Variants in ROCK2 observed in about 807,000 individuals in gnomAD.
ROCK2 encodes rho-associated protein kinase 2.
In ROCK2, 61 loss-of-function variants were observed where a neutral mutation model predicts 195.1. That is an observed-to-expected ratio of 0.31 (90% confidence interval 0.25 to 0.39). ROCK2 has a LOEUF of 0.39. Among genes scored for constraint, ROCK2 ranks in the 10% least tolerant of loss-of-function variants. The probability of loss-of-function intolerance (pLI) is 1.00; values close to 1 mark genes in which losing one functional copy is unlikely to be tolerated. For synonymous variants in ROCK2, 504 were observed against 545.5 expected (o/e 0.92, Z 1.06); for missense variants, 1,109 against 1,637.4 (o/e 0.68, Z 5.57).
At position 11,207,709 on chromosome 2, in the gene ROCK2, T is replaced by C; in HGVS notation, c.2549+17A>G. 1 of 1,582,068 alleles carries C rather than the reference T, an allele frequency of 6.3e-7. No individual in the cohort carries two copies. Among genetic ancestry groups the C allele is most frequent in the Non-Finnish European group, 8.6e-7 (1 of 1,159,478 alleles). On this transcript the variant is annotated intron_variant, in intron 20 of 32. Transcript: ENST00000315872. ...GGATAATTATGCATATTAAAACATC[T>C]CAATCAATTAACTTACTTTCGAAGT...
At position 11,197,014 on chromosome 2, in the gene ROCK2, TAAATA is replaced by T. The variant is rs1434051161; in HGVS notation, c.3448+161_3448+165del. ...TGAAAAACTTTGTAAAAAAAATCAA[TAAATA>T]AAATAAGTTTGAAATGTTACTTGAA... On this transcript the variant is annotated intron_variant, in intron 27 of 32. Transcript: ENST00000315872. The surrounding 1 kb of genome is among the most constrained non-coding windows in gnomAD (Gnocchi z 4.9). Among the ~76,000 whole-genome samples, 2 of 152,206 alleles carry T rather than the reference TAAATA, an allele frequency of 1.3e-5. No homozygotes were observed. The highest frequency in any genetic ancestry group is 2.9e-5 in the Non-Finnish European group (2 of 68,016).
At chr2:11,287,632 A>C in intron 2 of ROCK2, 23 bp downstream of exon 2, 1 of 723,906 alleles carries the variant, frequency 1.4e-6, no homozygotes, top group Non-Finnish European at 2.1e-6. Flanking sequence ...ATAAGATCAA[A>C]TATGAAGTTT....
intron 3 of ROCK2, among the ~76,000 whole-genome samples, chr2:11,273,027 T>C (rs575706543): frequency 2.5e-5 from 3 of 119,612 alleles, no homozygotes; most frequent in East Asian, 4.7e-4. Flanking sequence ...TGAGAAAGAA[T>C]GTAAACATAC....
chr2:11,215,690 A>G, intron 13 of ROCK2, 45 bp from the exon 14 acceptor site: 2 of 1,507,258 alleles, frequency 1.3e-6, no homozygotes, highest in Non-Finnish European at 1.8e-6. Context: ...ATGTATAAAA[A>G]TGAAATCAAA....
chr2:11,222,146 C>T lies in ROCK2; in HGVS notation c.1036G>A (p.Glu346Lys). Residue 346 changes from glutamate to lysine, a missense_variant, in exon 8 of 33, where the codon GAA becomes AAA. Physicochemically the swap from Glu to Lys is moderately conservative, Grantham distance 56. Transcript: ENST00000315872. The stretch of plus-strand genomic sequence containing the variant: ...AAGAAAGGATGCTGTCTGATTTCTT[C>T]CACCCCATTTCTCCCAAGTCGTACC... ...REVRLGRNGV[E>K]EIRQHPFFKN... The T allele has an allele frequency of 6.2e-7, 1 of 1,610,292 alleles. No homozygotes were observed. The highest frequency in any genetic ancestry group is 8.5e-7 in the Non-Finnish European group (1 of 1,177,156).
intron 3 of ROCK2, among the ~76,000 whole-genome samples, chr2:11,264,846 T>C (rs746712696): frequency 9.2e-5 from 14 of 152,168 alleles, no homozygotes; most frequent in Non-Finnish European, 1.6e-4. Flanking sequence ...TGAATATTAC[T>C]AAGAGTTTGA....
intron 12 of ROCK2, 40 bp from the exon 13 acceptor site, chr2:11,216,246 T>C (rs769465014): frequency 7.2e-7 from 1 of 1,380,486 alleles, no homozygotes; most frequent in Non-Finnish European, 1.0e-6. Flanking sequence ...AACTTCTAAT[T>C]TACAATAAAA....
At chr2:11,191,197 T>C (rs60368841) in intron 32 of ROCK2, among the ~76,000 whole-genome samples, 1,709 of 152,310 alleles carry the variant, frequency 0.011, 33 homozygotes, top group African/African-American at 0.039. Context: ...AACCAAATTC[T>C]TGTGTTCATT....
chr2:11,264,952 G>C (rs1258340618), intron 3 of ROCK2, among the ~76,000 whole-genome samples: 2 of 152,154 alleles, frequency 1.3e-5, no homozygotes, highest in East Asian at 3.8e-4. Flanking sequence ...ATGTCAAAGA[G>C]AACACACTCT....
intron 3 of ROCK2, among the ~76,000 whole-genome samples, chr2:11,271,812 G>A (rs1320852578): frequency 5.3e-5 from 8 of 152,094 alleles, no homozygotes; most frequent in Non-Finnish European, 1.2e-4. Flanking sequence ...CGGATCACAA[G>A]GTCAGGAGAT....
intron 3 of ROCK2, among the ~76,000 whole-genome samples, chr2:11,280,373 C>G (rs1666956642): frequency 6.6e-6 from 1 of 151,614 alleles, no homozygotes; most frequent in African/African-American, 2.4e-5. Flanking sequence ...CCTGAAATCC[C>G]AGCACTTTGG....
At chr2:11,194,880 C>T (rs1053760740) in intron 28 of ROCK2, 75 bp downstream of exon 28, 1 of 752,200 alleles carries the variant, frequency 1.3e-6, no homozygotes, top group Non-Finnish European at 2.2e-6. Flanking sequence ...GTATATCCTA[C>T]AACTACAAAA....
chr2:11,298,639 T>G (rs1310607700), intron 1 of ROCK2, among the ~76,000 whole-genome samples: 1 of 152,142 alleles, frequency 6.6e-6, no homozygotes, highest in African/African-American at 2.4e-5. Flanking sequence ...TACATTTCAA[T>G]GAAAACTTTT....
At chr2:11,253,046 G>C (rs1665894492) in intron 3 of ROCK2, among the ~76,000 whole-genome samples, 1 of 151,608 alleles carries the variant, frequency 6.6e-6, no homozygotes, top group Non-Finnish European at 1.5e-5. Context: ...ACACAATTAG[G>C]ATGATTTTAC....
At chr2:11,324,814 A>C (rs1473167810) in intron 1 of ROCK2, among the ~76,000 whole-genome samples, 1 of 152,242 alleles carries the variant, frequency 6.6e-6, no homozygotes, top group Non-Finnish European at 1.5e-5. Context: ...TAACCGTAAT[A>C]GTACATCATA....
At chr2:11,287,259 A>C (rs1394231218) in intron 2 of ROCK2, among the ~76,000 whole-genome samples, 1 of 152,212 alleles carries the variant, frequency 6.6e-6, no homozygotes, top group African/African-American at 2.4e-5. Context: ...ACATATGGTA[A>C]TAATAGTTAC....
intron 1 of ROCK2, among the ~76,000 whole-genome samples, chr2:11,327,264 T>C (rs1481613572): frequency 2.0e-5 from 3 of 152,268 alleles, no homozygotes; most frequent in Middle Eastern, 3.4e-3. Context: ...CATTTAGAGA[T>C]GTCAAGGAAC....
At chr2:11,252,552 A>T (rs1211279532) in intron 3 of ROCK2, among the ~76,000 whole-genome samples, 1 of 152,202 alleles carries the variant, frequency 6.6e-6, no homozygotes, top group Non-Finnish European at 1.5e-5. Context: ...GAACCAACAC[A>T]AATGCCCATC....
At chr2:11,333,535 AAAG>A (rs1413245596) in intron 1 of ROCK2, among the ~76,000 whole-genome samples, 1 of 152,236 alleles carries the variant, frequency 6.6e-6, no homozygotes, top group East Asian at 1.9e-4. Context: ...TAGGAAAAAA[AAAG>A]AAATACTACA....
Sources: allele counts gnomAD v4.1 joint callset (sites outside exome capture counted in the v4.1 genomes callset), GRCh38; gene constraint gnomAD v4.1.1; non-coding constraint Gnocchi (gnomAD v3.1); transcripts MANE v1.5; gene names NCBI Gene and HGNC (gene_info 2026-07-23, HGNC 2026-07-21).